DMD: variants seen among roughly 807,000 people sequenced by gnomAD.
DMD encodes dystrophin.
In DMD, 63 loss-of-function variants were observed where a neutral mutation model predicts 330.1. That is an observed-to-expected ratio of 0.19 (90% CI 0.16 to 0.24). DMD has a LOEUF of 0.24. DMD is among the 10% of genes least tolerant of loss of function. The pLI is 1.00. For missense variants in DMD, 3,344 were observed against 2,684.1 expected (o/e 1.25, Z -5.43); for synonymous variants, 1,223 against 959.8 (o/e 1.27, Z -5.07).
chrX:31,944,970 C>T lies in DMD; in HGVS notation c.6615-12743G>A, dbSNP rs374780043. ...AATCCATTAGGTATGAAGAAATCCA[C>T]CACAAACATTCCAGTTGGAGTTCAG... is the stretch of plus-strand genomic sequence containing the variant. On this transcript the variant is annotated intron_variant, in intron 45 of 78. Coordinates refer to ENST00000357033, the MANE Select transcript of DMD (RefSeq NM_004006.3). 5.4e-5 allele frequency among the ~76,000 whole-genome samples: 6 copies of T among 111,567 alleles called. No individual in the cohort carries two copies. The East Asian group carries it at 1.4e-3, about 26-fold the overall frequency.
At chrX:31,355,413 C>T (rs944699279) in intron 60 of DMD, among the ~76,000 whole-genome samples, 15 of 112,147 alleles carry the variant, frequency 1.3e-4, no homozygotes, top group Middle Eastern at 4.6e-3. Context: ...TAACTAGGAA[C>T]GTATGTTTTG....
chrX:32,271,020 G>A (rs778736937), intron 43 of DMD, among the ~76,000 whole-genome samples: 13 of 111,132 alleles, frequency 1.2e-4, no homozygotes, highest in East Asian at 8.6e-4. Context: ...TAGCATCTAC[G>A]TCCTTATCAG....
intron 59 of DMD, among the ~76,000 whole-genome samples, chrX:31,455,545 A>C (rs2066097896): frequency 8.9e-6 from 1 of 111,949 alleles, no homozygotes; most frequent in African/African-American, 3.3e-5. Flanking sequence ...CTTCGTAAAC[A>C]GTTTCTCACA....
chrX:33,244,879 C>G (rs923548153), intron 1 of DMD, among the ~76,000 whole-genome samples: 2 of 111,447 alleles, frequency 1.8e-5, no homozygotes, highest in African/African-American at 6.5e-5. Flanking sequence ...TTGACAAGCC[C>G]TAGTGTCTTC....
intron 7 of DMD, among the ~76,000 whole-genome samples, chrX:32,756,887 A>C (rs955075426): frequency 6.1e-4 from 68 of 111,681 alleles, no homozygotes; most frequent in African/African-American, 2.2e-3. Flanking sequence ...TGGAAAGCAA[A>C]GTGCCCTATA....
At chrX:31,892,261 A>T (rs2149768892) in intron 47 of DMD, among the ~76,000 whole-genome samples, 1 of 112,209 alleles carries the variant, frequency 8.9e-6, no homozygotes, top group East Asian at 2.8e-4. Context: ...TGGAAACGAT[A>T]TGTCAACATA....
chrX:33,110,218 A>AG (rs2095329361), intron 1 of DMD, among the ~76,000 whole-genome samples: 1 of 110,297 alleles, frequency 9.1e-6, no homozygotes, highest in African/African-American at 3.3e-5. Context: ...AGCCTCTGTT[A>AG]TTTTTCTGTA....
chrX:32,431,785 T>A (rs1007889763), intron 29 of DMD, among the ~76,000 whole-genome samples: 1 of 111,204 alleles, frequency 9.0e-6, no homozygotes, highest in African/African-American at 3.3e-5. Flanking sequence ...ATCTTGCAAT[T>A]CTAATATCCG....
chrX:32,685,163 C>T (rs1272078279), intron 9 of DMD, among the ~76,000 whole-genome samples: 2 of 103,750 alleles, frequency 1.9e-5, no homozygotes, highest in Non-Finnish European at 3.8e-5. Context: ...CATACTTGTT[C>T]CTGAACTATT....
rs767993498 is a variant in DMD at position 32,312,942 on chromosome X, C to CAAAAAAA, written c.5923-2673_5923-2667dup. ...ATTGAGGCAGTAATAGCCTACGAAC[C>CAAAAAAA]AAAAAAAAAAAAAAAAAAAAAAGCC... is the stretch of plus-strand genomic sequence containing the variant. On this transcript the variant is annotated intron_variant, in intron 41 of 78. Coordinates refer to ENST00000357033, the MANE Select transcript of DMD (RefSeq NM_004006.3). 8.3e-3 allele frequency among the ~76,000 whole-genome samples: 169 copies of CAAAAAAA among 20,396 alleles called. 23 individuals carry two copies. Among genetic ancestry groups the CAAAAAAA allele is most frequent in the South Asian group, 0.016 (2 of 126 alleles). The allele number at this position is 20,396 out of a possible 115,157, so 17.7% of individuals were successfully genotyped here.
intron 44 of DMD, among the ~76,000 whole-genome samples, chrX:32,056,948 T>A (rs1274175120): frequency 4.5e-5 from 5 of 111,338 alleles, no homozygotes; most frequent in African/African-American, 1.6e-4. Context: ...ATTCTTGGAA[T>A]GCAAAAATGG....
intron 60 of DMD, among the ~76,000 whole-genome samples, chrX:31,375,668 T>G (rs2059849873): frequency 9.0e-6 from 1 of 111,506 alleles, no homozygotes; most frequent in South Asian, 3.8e-4. Flanking sequence ...GTCAAATGCA[T>G]AGAGACGGAA....
intron 4 of DMD, among the ~76,000 whole-genome samples, chrX:32,830,707 C>A (rs943312086): frequency 8.9e-6 from 1 of 111,736 alleles, no homozygotes; most frequent in African/African-American, 3.2e-5. Flanking sequence ...TGTCAACAGG[C>A]CTAAGATTTT....
intron 50 of DMD, among the ~76,000 whole-genome samples, chrX:31,806,347 G>A (rs984844557): frequency 2.7e-5 from 3 of 112,056 alleles, no homozygotes; most frequent in Admixed American, 9.5e-5. Flanking sequence ...CTAGGAATAC[G>A]AAGAGAAAAG....
intron 1 of DMD, among the ~76,000 whole-genome samples, chrX:33,303,833 T>C (rs917179254): frequency 2.1e-4 from 23 of 111,687 alleles, no homozygotes; most frequent in African/African-American, 7.2e-4. Flanking sequence ...CTCTTTCCTT[T>C]ATGAATTATG....
intron 1 of DMD, among the ~76,000 whole-genome samples, chrX:33,085,737 T>G (rs893678745): frequency 2.7e-5 from 3 of 111,748 alleles, no homozygotes; most frequent in Non-Finnish European, 5.6e-5. Context: ...GATGCTAGTA[T>G]GTTCTGAGAC....
chrX:31,682,857 G>A (rs1298548032), intron 52 of DMD, among the ~76,000 whole-genome samples: 1 of 112,049 alleles, frequency 8.9e-6, no homozygotes, highest in African/African-American at 3.2e-5. Flanking sequence ...TTTCAATAGG[G>A]AAAACAGTCT....
chrX:32,175,901 G>T (rs1040669931), intron 44 of DMD, among the ~76,000 whole-genome samples: 1 of 111,842 alleles, frequency 8.9e-6, no homozygotes, highest in Admixed American at 9.5e-5. Context: ...CTCAAATATT[G>T]CATCCAGAAG....
intron 1 of DMD, among the ~76,000 whole-genome samples, chrX:33,207,914 T>A (rs1428406452): frequency 1.8e-5 from 2 of 111,460 alleles, no homozygotes; most frequent in Non-Finnish European, 3.8e-5. Flanking sequence ...GCCCATGACC[T>A]TCCCCAGAAA....
Sources: allele counts gnomAD v4.1 joint callset (sites outside exome capture counted in the v4.1 genomes callset), GRCh38; gene constraint gnomAD v4.1.1; transcripts MANE v1.5; gene names NCBI Gene and HGNC (gene_info 2026-07-23, HGNC 2026-07-21).